Variants in FAT3 observed in about 807,000 individuals in gnomAD.
FAT3 encodes the protein FAT atypical cadherin 3.
FAT3 carries 95 observed loss-of-function variants against 310.2 expected under a neutral mutation model. That is an observed-to-expected ratio of 0.31 (90% CI 0.26 to 0.36). FAT3 has a LOEUF of 0.36. Ranked by LOEUF, FAT3 falls within the 10% of genes least tolerant of loss-of-function variation. The pLI is 1.00. For synonymous variants in FAT3, 2,314 were observed against 2,192.9 expected, an observed-to-expected ratio of 1.06 and a Z score of -1.54; for missense variants, 5,408 against 5,715.6, an observed-to-expected ratio of 0.95 and a Z score of 1.74.
intron 7 of FAT3, among the ~76,000 whole-genome samples, chr11:92,784,218 G>A (rs1158266268): frequency 6.6e-6 from 1 of 152,178 alleles, no homozygotes; most frequent in Non-Finnish European, 1.5e-5. Flanking sequence ...AAATGAATGT[G>A]ATACAGATTT....
At chr11:92,523,380 C>T (rs1449285271) in intron 2 of FAT3, among the ~76,000 whole-genome samples, 1 of 152,162 alleles carries the variant, frequency 6.6e-6, no homozygotes, top group Non-Finnish European at 1.5e-5. Flanking sequence ...AATAACATAG[C>T]AGCTGAAATT....
intron 18 of FAT3, 111 bp from the exon 19 acceptor site, chr11:92,843,823 G>T: frequency 9.6e-7 from 1 of 1,037,994 alleles, no homozygotes. Context: ...GGCAAGGAAT[G>T]AAGGAAGAAG....
intron 2 of FAT3, among the ~76,000 whole-genome samples, chr11:92,373,759 TGC>T (rs1491374263): frequency 3.3e-5 from 4 of 122,906 alleles, no homozygotes; most frequent in Non-Finnish European, 5.1e-5. Context: ...GAGATATGTA[TGC>T]ACACACACAC....
At chr11:92,345,694 G>A (rs1948396321) in intron 1 of FAT3, among the ~76,000 whole-genome samples, 2 of 152,174 alleles carry the variant, frequency 1.3e-5, no homozygotes. Flanking sequence ...AACCTTCTGA[G>A]TAAAACTTGT....
At chr11:92,508,752 T>G (rs909459064) in intron 2 of FAT3, among the ~76,000 whole-genome samples, 10 of 152,126 alleles carry the variant, frequency 6.6e-5, no homozygotes, top group Non-Finnish European at 1.5e-4. Context: ...ACTCAAATTC[T>G]CAGCCCAAAT....
chr11:92,370,530 AG>A (rs1244007828), intron 2 of FAT3, among the ~76,000 whole-genome samples: 3 of 152,220 alleles, frequency 2.0e-5, no homozygotes, highest in Admixed American at 6.5e-5. Flanking sequence ...TACTTCTAAT[AG>A]AATATTTGGT....
chr11:92,764,775 T>C (rs1278444525), intron 5 of FAT3, 104 bp from the exon 6 acceptor site: 7 of 1,027,178 alleles, frequency 6.8e-6, no homozygotes, highest in African/African-American at 4.8e-5. Flanking sequence ...TTGCTGACAC[T>C]GTGTTGAAGA....
At chr11:92,477,325 A>AAC (rs1490742986) in intron 2 of FAT3, among the ~76,000 whole-genome samples, 2 of 152,252 alleles carry the variant, frequency 1.3e-5, no homozygotes, top group East Asian at 3.8e-4. Context: ...GTAGGTGGCA[A>AAC]ACAGGGCATT....
chr11:92,493,867 A>G (rs1467505046), intron 2 of FAT3, among the ~76,000 whole-genome samples: 1 of 152,062 alleles, frequency 6.6e-6, no homozygotes, highest in East Asian at 1.9e-4. Flanking sequence ...GGAAGTGAAG[A>G]CACCAGGAGA....
intron 3 of FAT3, among the ~76,000 whole-genome samples, chr11:92,645,723 A>G (rs1433997793): frequency 1.3e-5 from 2 of 152,196 alleles, no homozygotes; most frequent in East Asian, 1.9e-4. Context: ...ACTACTTTCT[A>G]TAGTTAGCGC....
At chr11:92,802,021 T>C in intron 10 of FAT3, 112 bp downstream of exon 10, 1 of 1,047,430 alleles carries the variant, frequency 9.5e-7, no homozygotes, top group South Asian at 1.6e-5. Flanking sequence ...TCCAGTGTAA[T>C]GAAGCCTCTC....
At chr11:92,728,997 A>G (rs1349077672) in intron 4 of FAT3, among the ~76,000 whole-genome samples, 1 of 152,052 alleles carries the variant, frequency 6.6e-6, no homozygotes, top group Non-Finnish European at 1.5e-5. Flanking sequence ...TTAGGATTTG[A>G]TATATTTGGT....
At chr11:92,282,282 A>G (rs1946446418) in intron 1 of FAT3, among the ~76,000 whole-genome samples, 1 of 152,130 alleles carries the variant, frequency 6.6e-6, no homozygotes, top group Non-Finnish European at 1.5e-5. Flanking sequence ...ACTTATTGTC[A>G]CCTGCCTTGT....
intron 1 of FAT3, among the ~76,000 whole-genome samples, chr11:92,328,786 A>G (rs543779697): frequency 2.8e-4 from 42 of 152,264 alleles, no homozygotes; most frequent in African/African-American, 7.5e-4. Context: ...CTTTCCACAT[A>G]TTTTAAAAAG....
intron 4 of FAT3, among the ~76,000 whole-genome samples, chr11:92,704,080 A>G (rs1273773925): frequency 6.6e-6 from 1 of 152,196 alleles, no homozygotes; most frequent in Non-Finnish European, 1.5e-5. Context: ...GCTTATTGAA[A>G]TGTGGCAAAT....
rs760139448 is a variant in FAT3, at chr11:92,790,112, ACTCCATCAG to A, written c.4507_4515del (p.Ser1503_Ser1505del). 5.6e-6 allele frequency: 9 copies of A among 1,613,498 alleles called. No individual in the cohort carries two copies. The highest frequency in any genetic ancestry group is 7.6e-6 in the Non-Finnish European group (9 of 1,179,712). On this transcript the variant is annotated inframe_deletion, in exon 8 of 28. Coordinates refer to ENST00000525166, the MANE Select transcript of FAT3 (RefSeq NM_001367949.2). The stretch of plus-strand genomic sequence containing the variant: ...AGCTACACTGTTCATAGCAGCATCG[ACTCCATCAG>A]CATGAGAAAATTCCGGATTGACCCT...
intron 3 of FAT3, among the ~76,000 whole-genome samples, chr11:92,529,506 ATAGT>A (rs1953995710): frequency 6.6e-6 from 1 of 152,150 alleles, no homozygotes; most frequent in Non-Finnish European, 1.5e-5. Context: ...GAGTTTGATA[ATAGT>A]TAAATTTTAA....
At chr11:92,409,543 T>G (rs1010086695) in intron 2 of FAT3, among the ~76,000 whole-genome samples, 1 of 152,194 alleles carries the variant, frequency 6.6e-6, no homozygotes, top group African/African-American at 2.4e-5. Context: ...TCATTCATCC[T>G]GTAGAGCACT....
intron 1 of FAT3, among the ~76,000 whole-genome samples, chr11:92,254,194 G>A (rs1204292453): frequency 1.3e-5 from 2 of 152,106 alleles, no homozygotes; most frequent in Non-Finnish European, 2.9e-5. Context: ...GCCCAGCAAC[G>A]CTGCCTTCTG....
Sources: allele counts gnomAD v4.1 joint callset (sites outside exome capture counted in the v4.1 genomes callset), GRCh38; gene constraint gnomAD v4.1.1; transcripts MANE v1.5; gene names NCBI Gene and HGNC (gene_info 2026-07-23, HGNC 2026-07-21).